Variants in BNC2 observed in about 807,000 individuals in gnomAD.
BNC2 encodes basonuclin zinc finger protein 2, also known as zinc finger protein basonuclin-2.
A neutral mutation model predicts 76.3 loss-of-function variants in BNC2; 20 were observed. That is an observed-to-expected ratio of 0.26 (90% CI 0.18 to 0.38). BNC2 has a LOEUF of 0.38. BNC2 is among the 10% of genes least tolerant of loss of function. BNC2 has a pLI of 1.00. For missense variants in BNC2, 1,382 were observed against 1,399.8 expected, an observed-to-expected ratio of 0.99 and a Z score of 0.20; for synonymous variants, 582 against 514.8, an observed-to-expected ratio of 1.13 and a Z score of -1.77.
intron 1 of BNC2, among the ~76,000 whole-genome samples, chr9:16,748,945 T>C (rs1032732575): frequency 7.7e-6 from 1 of 129,058 alleles, no homozygotes; most frequent in Admixed American, 8.6e-5. Context: ...TATATATATA[T>C]ATATGAAATT....
chr9:16,540,985 G>A (rs1818302700), intron 5 of BNC2, among the ~76,000 whole-genome samples: 1 of 152,170 alleles, frequency 6.6e-6, no homozygotes, highest in Non-Finnish European at 1.5e-5. Context: ...TTAACACACA[G>A]CCAATCAAAA....
chr9:16,711,159 G>GA (rs1823831720), intron 3 of BNC2, among the ~76,000 whole-genome samples: 1 of 152,118 alleles, frequency 6.6e-6, no homozygotes, highest in Admixed American at 6.5e-5. Flanking sequence ...GGGGAAGAAA[G>GA]AAAGAGAAAC....
At position 16,863,322 on chromosome 9, in the gene BNC2, T is replaced by C. The variant is rs1301423103; in HGVS notation, c.3+7324A>G. On this transcript the variant is annotated intron_variant, in intron 1 of 6. Coordinates refer to ENST00000380672, the MANE Select transcript of BNC2 (RefSeq NM_017637.6). ...AGCATCCCACCTGGGGGAAAGACTA[T>C]GAAAAATAACTCTCTCTCCCTAAAA... Among the ~76,000 whole-genome samples the C allele has an allele frequency of 3.3e-5, 5 of 152,274 alleles. No homozygotes were observed. The South Asian group carries it at 6.2e-4, about 19-fold the overall frequency.
chr9:16,813,296 G>C (rs570781531), intron 1 of BNC2, among the ~76,000 whole-genome samples: 16 of 151,146 alleles, frequency 1.1e-4, no homozygotes, highest in South Asian at 1.0e-3. Flanking sequence ...GACGGAGTCT[G>C]GCTCTGTCGC....
At chr9:16,440,323 T>A (rs1022208471) in intron 5 of BNC2, among the ~76,000 whole-genome samples, 5 of 152,084 alleles carry the variant, frequency 3.3e-5, no homozygotes, top group African/African-American at 1.2e-4. Flanking sequence ...GCCCATTGAG[T>A]CTGTGGTAGT....
chr9:16,545,540 G>C (rs1337680188), intron 5 of BNC2, among the ~76,000 whole-genome samples: 1 of 152,096 alleles, frequency 6.6e-6, no homozygotes, highest in Non-Finnish European at 1.5e-5. Flanking sequence ...CCATGAATCT[G>C]CCTTCACTGC....
chr9:16,505,452 G>GA (rs1445517191), intron 5 of BNC2, among the ~76,000 whole-genome samples: 2 of 152,154 alleles, frequency 1.3e-5, no homozygotes, highest in Non-Finnish European at 2.9e-5. Flanking sequence ...ACATAACTTT[G>GA]ATAATGAAGC....
chr9:16,617,607 C>T (rs1820747992), intron 3 of BNC2, among the ~76,000 whole-genome samples: 1 of 151,362 alleles, frequency 6.6e-6, no homozygotes, highest in African/African-American at 2.4e-5. Context: ...GTGGCAGGCA[C>T]AAAGTTTAGT....
intron 5 of BNC2, among the ~76,000 whole-genome samples, chr9:16,547,467 C>G (rs1818521306): frequency 6.6e-6 from 1 of 152,200 alleles, no homozygotes; most frequent in South Asian, 2.1e-4. Context: ...TTAACAAATA[C>G]TTATTCAGTG....
At chr9:16,863,648 T>G (rs987505077) in intron 1 of BNC2, among the ~76,000 whole-genome samples, 1 of 152,094 alleles carries the variant, frequency 6.6e-6, no homozygotes, top group Non-Finnish European at 1.5e-5. Flanking sequence ...TGAGCCAAAA[T>G]CACGCCACTG....
rs2118870638 is a variant in BNC2 at position 16,409,713 on chromosome 9, T to TA, written c.*9275dup. 6.6e-6 allele frequency: 1 copy of TA among 152,634 alleles called. No homozygotes were observed. Among genetic ancestry groups the TA allele is most frequent in the East Asian group, 1.9e-4 (1 of 5,174 alleles). The allele number at this position is 152,634 out of a possible 1,614,324, so 9.5% of individuals were successfully genotyped here. Reference sequence around the variant, plus strand: ...AAATTTAATTACCTTAGCCTACCAATAAAAACAAAAAGCAAAACAGAACAA... The same window carrying TA: ...AAATTTAATTACCTTAGCCTACCAATAAAAAACAAAAAGCAAAACAGAACAA... On this transcript the variant is annotated 3_prime_UTR_variant, in exon 7 of 7. Coordinates refer to ENST00000380672, the MANE Select transcript of BNC2 (RefSeq NM_017637.6).
intron 5 of BNC2, among the ~76,000 whole-genome samples, chr9:16,460,225 T>G (rs1489914471): frequency 2.0e-5 from 3 of 151,780 alleles, no homozygotes; most frequent in African/African-American, 7.3e-5. Context: ...TACAAAGCAC[T>G]GGCCATCAGG....
chr9:16,551,029 T>A (rs1818645651), intron 5 of BNC2, among the ~76,000 whole-genome samples: 1 of 152,170 alleles, frequency 6.6e-6, no homozygotes, highest in South Asian at 2.1e-4. Flanking sequence ...TCCTAGATCT[T>A]GTTCCCCCTC....
chr9:16,554,787 G>A (rs918229274), intron 4 of BNC2, among the ~76,000 whole-genome samples: 10 of 152,166 alleles, frequency 6.6e-5, no homozygotes, highest in African/African-American at 2.4e-4. Flanking sequence ...CTCCTCAACC[G>A]TTTCAGATAG....
chr9:16,564,682 A>G (rs990299156), intron 4 of BNC2, among the ~76,000 whole-genome samples: 1 of 152,166 alleles, frequency 6.6e-6, no homozygotes, highest in African/African-American at 2.4e-5. Context: ...TTGAAATCAG[A>G]CTTCTTTGTG....
chr9:16,804,546 T>G (rs568616809), intron 1 of BNC2, among the ~76,000 whole-genome samples: 1 of 152,216 alleles, frequency 6.6e-6, no homozygotes, highest in Non-Finnish European at 1.5e-5. Context: ...CAGAGGTTAT[T>G]TCCCTTTCAA....
At chr9:16,849,134 A>G (rs1390875610) in intron 1 of BNC2, among the ~76,000 whole-genome samples, 1 of 152,094 alleles carries the variant, frequency 6.6e-6, no homozygotes, top group Non-Finnish European at 1.5e-5. Context: ...AGAGTTTCAG[A>G]GAGCCCCAGG....
intron 1 of BNC2, among the ~76,000 whole-genome samples, chr9:16,864,495 C>A (rs1012657699): frequency 6.6e-6 from 1 of 152,182 alleles, no homozygotes; most frequent in Non-Finnish European, 1.5e-5. Flanking sequence ...TGACAAGCCC[C>A]GCACAGGCAA....
At chr9:16,465,287 T>C (rs1203956393) in intron 5 of BNC2, among the ~76,000 whole-genome samples, 1 of 151,916 alleles carries the variant, frequency 6.6e-6, no homozygotes, top group Non-Finnish European at 1.5e-5. Context: ...AATACAAAAA[T>C]TAGCCAGGTG....
Sources: allele counts gnomAD v4.1 joint callset (sites outside exome capture counted in the v4.1 genomes callset), GRCh38; gene constraint gnomAD v4.1.1; transcripts MANE v1.5; gene names NCBI Gene and HGNC (gene_info 2026-07-23, HGNC 2026-07-21).